Variants in STK24 observed in about 807,000 individuals in gnomAD.
The protein encoded by STK24 is serine/threonine kinase 24.
In STK24, 21 loss-of-function variants were observed where a neutral mutation model predicts 55.6. The observed-to-expected ratio is 0.38, with a 90% CI of 0.27 to 0.54. The LOEUF (loss-of-function observed/expected upper bound fraction) is 0.54. STK24 is among the 20% of genes least tolerant of loss of function. The pLI is 0.79. For synonymous variants in STK24, 200 were observed against 215.2 expected (o/e 0.93, Z 0.62); for missense variants, 383 against 538.4 (o/e 0.71, Z 2.86).
At chr13:98,454,584 C>A (rs1260100936) in intron 10 of STK24, 2 of 152,200 alleles carry the variant, frequency 1.3e-5, no homozygotes. Flanking sequence ...TGATGTCACA[C>A]AAAAGAATCC....
At chr13:98,479,816 C>A (rs1267469770) in intron 3 of STK24, among the ~76,000 whole-genome samples, 1 of 152,160 alleles carries the variant, frequency 6.6e-6, no homozygotes, top group Non-Finnish European at 1.5e-5. Flanking sequence ...ACACCCCTTC[C>A]CAAGAAAGTG....
rs1893176062 is a variant in STK24 at position 98,451,212 on chromosome 13, AG to A, written c.*1960del. 1 of 152,228 alleles carries A rather than the reference AG, an allele frequency of 6.6e-6. No homozygotes were observed. Among genetic ancestry groups the A allele is most frequent in the African/African-American group, 2.4e-5 (1 of 41,454 alleles). 9.4% of individuals were successfully genotyped at this position (152,228 alleles called of 1,614,324 possible). On this transcript the variant is annotated 3_prime_UTR_variant, in exon 11 of 11. Transcript: ENST00000539966. ...GTCCGCCCTGGCTCACTTAAAAATC[AG>A]GTAACGGCACACCCTGGGGAACACA...
rs141304303 is a variant in STK24 at position 98,446,163 on chromosome 13, G to A, written c.*7010C>T. 1 of 1,614,004 alleles carries A rather than the reference G, an allele frequency of 6.2e-7. No homozygotes were observed. Among genetic ancestry groups the A allele is most frequent in the East Asian group, 2.2e-5 (1 of 44,880 alleles). The stretch of plus-strand genomic sequence containing the variant: ...GCAACGGGTGGCAGAAGCTGTGGGT[G>A]GTGTTCACAAACTTCTGCCTGTTCT... On this transcript the variant is annotated 3_prime_UTR_variant, in exon 11 of 11. Transcript: ENST00000539966.
At chr13:98,503,144 T>C (rs1197803950) in intron 2 of STK24, among the ~76,000 whole-genome samples, 1 of 150,308 alleles carries the variant, frequency 6.7e-6, no homozygotes, top group African/African-American at 2.5e-5. Flanking sequence ...AGATCCCAAT[T>C]TACCAAGAGA....
intron 1 of STK24, among the ~76,000 whole-genome samples, chr13:98,532,688 T>C (rs1241602981): frequency 6.6e-6 from 1 of 152,262 alleles, no homozygotes; most frequent in African/African-American, 2.4e-5. Context: ...CAGATTTTTC[T>C]AGTCCTCAAA....
intron 1 of STK24, among the ~76,000 whole-genome samples, chr13:98,559,586 G>A (rs1266729631): frequency 4.6e-5 from 7 of 152,034 alleles, no homozygotes; most frequent in South Asian, 2.1e-4. Flanking sequence ...TTTGTCATGC[G>A]ATTAAATGGC....
rs1450936868 is a variant in STK24 at position 98,446,277 on chromosome 13, C to T, written c.*6896G>A. On this transcript the variant is annotated 3_prime_UTR_variant, in exon 11 of 11. Transcript: ENST00000539966. ...CAGCATGAGGTGAGGGGGCCGCCCTCCTCTGGAATGACTCAGGCCTCTTGG... is the reference window on the plus strand; with the variant it reads ...CAGCATGAGGTGAGGGGGCCGCCCTTCTCTGGAATGACTCAGGCCTCTTGG... The T allele has an allele frequency of 3.1e-6, 3 of 970,052 alleles. No individual in the cohort carries two copies. The highest frequency in any genetic ancestry group is 3.2e-5 in the African/African-American group (2 of 62,108). 60.1% of individuals were successfully genotyped at this position (970,052 alleles called of 1,614,324 possible).
At chr13:98,549,077 A>C (rs1897100614) in intron 1 of STK24, among the ~76,000 whole-genome samples, 1 of 152,174 alleles carries the variant, frequency 6.6e-6, no homozygotes, top group Non-Finnish European at 1.5e-5. Context: ...GAGACCATGT[A>C]GATAACACAT....
At chr13:98,570,042 G>T (rs7339107) in intron 1 of STK24, among the ~76,000 whole-genome samples, 2,059 of 151,310 alleles carry the variant, frequency 0.014, 55 homozygotes, top group African/African-American at 0.047. Context: ...ACGCCCAGCT[G>T]TTTTTTTTGT....
chr13:98,541,703 G>T (rs1361946181), intron 1 of STK24, among the ~76,000 whole-genome samples: 1 of 152,210 alleles, frequency 6.6e-6, no homozygotes. Flanking sequence ...ACACAAAGGT[G>T]AGATGAACTG....
At chr13:98,520,881 C>T (rs762910791) in intron 1 of STK24, among the ~76,000 whole-genome samples, 18 of 152,230 alleles carry the variant, frequency 1.2e-4, no homozygotes, top group East Asian at 3.9e-4. Context: ...CACACAGGGG[C>T]GCAGAGCCCC....
Position 98,458,819 on chromosome 13 carries a change from C to T in STK24, c.1123-1515G>A, listed in dbSNP as rs528829184. ...GAAGGAAAGCAGGGACGCCAACACC[C>T]GTCTCCTCAATGTCCTCATCTGTAA... On this transcript the variant is annotated intron_variant, in intron 9 of 10. Coordinates refer to ENST00000539966, the MANE Select transcript of STK24 (RefSeq NM_001032296.4). Among the ~76,000 whole-genome samples the T allele has an allele frequency of 5.9e-5, 9 of 152,302 alleles. No homozygotes were observed. In the South Asian group the frequency reaches 1.0e-3, roughly 18 times the overall value.
At chr13:98,536,543 CT>C (rs1896740892) in intron 1 of STK24, among the ~76,000 whole-genome samples, 1 of 151,896 alleles carries the variant, frequency 6.6e-6, no homozygotes, top group Non-Finnish European at 1.5e-5. Flanking sequence ...TGTTATTTTA[CT>C]TTTTGTAGAG....
intron 2 of STK24, among the ~76,000 whole-genome samples, chr13:98,488,178 C>CACAG (rs1436977728): frequency 6.7e-5 from 10 of 150,166 alleles, no homozygotes; most frequent in Middle Eastern, 3.2e-3. Flanking sequence ...CACACACACA[C>CACAG]ACACACACAC....
intron 2 of STK24, among the ~76,000 whole-genome samples, chr13:98,503,595 G>C (rs547837626): frequency 3.3e-5 from 5 of 152,342 alleles, no homozygotes; most frequent in African/African-American, 1.2e-4. Context: ...CACGCCAGTG[G>C]GAGACGTGGA....
At chr13:98,460,122 CAG>C (rs1180957274) in intron 9 of STK24, among the ~76,000 whole-genome samples, 3 of 152,220 alleles carry the variant, frequency 2.0e-5, no homozygotes, top group African/African-American at 7.2e-5. Context: ...ACGGGTGACA[CAG>C]GGTCTCGGGC....
In STK24 at chr13:98,452,912, G is replaced by A. The variant is rs1310269952; in HGVS notation, c.*261C>T. On this transcript the variant is annotated 3_prime_UTR_variant, in exon 11 of 11. Coordinates refer to ENST00000539966, the MANE Select transcript of STK24 (RefSeq NM_001032296.4). ...ACTTTCCTGGAATATGTGCACTATG[G>A]TTAAAATTAAAAACAAAAGTAATAA... is the stretch of plus-strand genomic sequence containing the variant. The A allele has an allele frequency of 2.3e-5, 9 of 398,584 alleles. No individual in the cohort carries two copies. The East Asian group carries it at 3.5e-4, about 15-fold the overall frequency. 24.7% of individuals were successfully genotyped at this position (398,584 alleles called of 1,614,324 possible).
At chr13:98,494,287 G>A (rs1482264810) in intron 2 of STK24, among the ~76,000 whole-genome samples, 35 of 148,298 alleles carry the variant, frequency 2.4e-4, no homozygotes, top group Non-Finnish European at 4.5e-4. Flanking sequence ...GCGGGCACCT[G>A]TAGTCCCAGC....
Position 98,448,500 on chromosome 13 carries a change from G to C in STK24, c.*4673C>G, listed in dbSNP as rs898370983. 3.4e-6 allele frequency: 2 copies of C among 590,514 alleles called. No homozygotes were observed. The highest frequency in any genetic ancestry group is 6.1e-6 in the Non-Finnish European group (2 of 329,942). The allele number at this position is 590,514 out of a possible 1,614,324, so 36.6% of individuals were successfully genotyped here. ...ACCTCTCAGCGTCTGAATGAACAGC[G>C]CTCCCACCTCCAGTCCTGGCATCCG... On this transcript the variant is annotated 3_prime_UTR_variant, in exon 11 of 11. Coordinates refer to ENST00000539966, the MANE Select transcript of STK24 (RefSeq NM_001032296.4).
Sources: gnomAD v4.1 joint callset for allele counts (sites outside exome capture counted in the v4.1 genomes callset) on GRCh38, gnomAD v4.1.1 for gene constraint, MANE v1.5 for transcripts, NCBI Gene and HGNC (gene_info 2026-07-23, HGNC 2026-07-21) for gene names.